Variants in GALNS observed in about 807,000 individuals in gnomAD.
GALNS encodes the protein N-acetylgalactosamine-6-sulfatase.
GALNS carries 65 observed loss-of-function variants against 65.9 expected under a neutral mutation model. The ratio of observed to expected loss-of-function variants is 0.99; its 90% CI spans 0.81 to 1.21. The LOEUF (loss-of-function observed/expected upper bound fraction) is 1.21, where lower values mean the gene tolerates loss of function less well. Ranked by LOEUF, GALNS falls within the 50% of genes most tolerant of loss-of-function variation. The pLI is 0.00. For synonymous variants in GALNS, 346 were observed against 288.9 expected (o/e 1.20, Z -2.00); for missense variants, 776 against 700.7 (o/e 1.11, Z -1.21).
chr16:88,818,185 G>A (rs1909839851), intron 12 of GALNS, 61 bp from the exon 13 acceptor site: 3 of 1,313,550 alleles, frequency 2.3e-6, no homozygotes, highest in Non-Finnish European at 3.2e-6. Flanking sequence ...GAGAGGGGCT[G>A]GCCTGGACAG....
intron 11 of GALNS, among the ~76,000 whole-genome samples, chr16:88,823,044 C>A (rs1019458502): frequency 6.6e-6 from 1 of 152,158 alleles, no homozygotes; most frequent in African/African-American, 2.4e-5. Flanking sequence ...CTCTTCTTTG[C>A]GAGGCAGGTG....
chr16:88,855,513 AAAGC>A (rs1460468444), intron 1 of GALNS: 162 of 702,600 alleles, frequency 2.3e-4, no homozygotes, highest in Non-Finnish European at 2.7e-4. Context: ...CGTGCTCTGG[AAAGC>A]AGTCACTGCA....
intron 9 of GALNS, 71 bp from the exon 10 acceptor site, chr16:88,826,909 G>T: frequency 6.5e-7 from 1 of 1,535,200 alleles, no homozygotes. Context: ...CCAATCCCTG[G>T]GGGGGCGTGA....
chr16:88,850,559 C>G (rs1248571509), intron 1 of GALNS, among the ~76,000 whole-genome samples: 2 of 152,208 alleles, frequency 1.3e-5, no homozygotes, highest in Non-Finnish European at 2.9e-5. Flanking sequence ...TCAGAAGATA[C>G]CGCAAGGGAG....
In GALNS at chr16:88,837,548, G is replaced by A. The variant is rs563409884; in HGVS notation, c.566+74C>T. 415 of 1,488,006 alleles carry A rather than the reference G, an allele frequency of 2.8e-4. 1 individual carries two copies. In the African/African-American group the frequency reaches 5.1e-3, roughly 18 times the overall value. The allele number at this position is 1,488,006 out of a possible 1,614,324, so 92.2% of individuals were successfully genotyped here. The stretch of plus-strand genomic sequence containing the variant: ...TGAGTGGCGACTTGAGCCCACCAGT[G>A]CTAGAGGCGGGGGGCAGGCACGCCG... On this transcript the variant is annotated intron_variant, in intron 5 of 13. Transcript: ENST00000268695.
At chr16:88,841,697 G>A (rs536136156) in intron 3 of GALNS, among the ~76,000 whole-genome samples, 200 bp downstream of exon 3, 14 of 152,234 alleles carry the variant, frequency 9.2e-5, no homozygotes, top group Admixed American at 3.9e-4. Flanking sequence ...GGCACCCTCC[G>A]CTCAGTCCCC....
At chr16:88,837,859 G>A in intron 4 of GALNS, 94 bp from the exon 5 acceptor site, 3 of 1,357,908 alleles carry the variant, frequency 2.2e-6, no homozygotes, top group Non-Finnish European at 3.1e-6. Flanking sequence ...AAAATTCTTG[G>A]TAAGACGAGC....
chr16:88,837,399 G>C (rs570904579), intron 5 of GALNS, among the ~76,000 whole-genome samples: 1 of 152,288 alleles, frequency 6.6e-6, no homozygotes, highest in South Asian at 2.1e-4. Context: ...AGGGATCTAC[G>C]ACCCTGAAAA....
intron 12 of GALNS, among the ~76,000 whole-genome samples, chr16:88,822,075 G>C (rs1910284228): frequency 6.6e-6 from 1 of 152,188 alleles, no homozygotes; most frequent in Non-Finnish European, 1.5e-5. Context: ...CAGCAGGTGA[G>C]TCTGGTACTG....
intron 7 of GALNS, 150 bp downstream of exon 7, chr16:88,835,575 T>G: frequency 7.5e-7 from 1 of 1,336,890 alleles, no homozygotes; most frequent in Non-Finnish European, 1.1e-6. Context: ...CCTCTGCTGA[T>G]CCCAGGCCAG....
intron 9 of GALNS, among the ~76,000 whole-genome samples, chr16:88,830,644 C>T (rs1911405293): frequency 6.6e-6 from 1 of 152,220 alleles, no homozygotes; most frequent in Non-Finnish European, 1.5e-5. Context: ...GTGCCTGTTA[C>T]AGAAGACCAC....
rs1912293387 is a variant in GALNS at position 88,837,758 on chromosome 16, C to G, written c.430G>C (p.Gly144Arg). 1 of 1,613,954 alleles carries G rather than the reference C, an allele frequency of 6.2e-7. No individual in the cohort carries two copies. Among genetic ancestry groups the G allele is most frequent in the African/African-American group, 1.3e-5 (1 of 75,034 alleles). Residue 144 changes from glycine to arginine, a missense_variant, in exon 5 of 14, where the codon GGT becomes CGT. Physicochemically the swap from Gly to Arg is moderately radical, Grantham distance 125. Coordinates refer to ENST00000268695, the MANE Select transcript of GALNS (RefSeq NM_000512.5). ...AGGGGGTGGAACTGGGGCCTGTGACCCAGATGCCTGGAAACAGGAACCCAG... is the reference window on the plus strand; with the variant it reads ...AGGGGGTGGAACTGGGGCCTGTGACGCAGATGCCTGGAAACAGGAACCCAG... ...VSKIVGKWHL[G>R]HRPQFHPLKH... is the part of the protein sequence containing the mutation.
At chr16:88,843,003 A>G in intron 1 of GALNS, 174 bp from the exon 2 acceptor site, 2 of 1,508,720 alleles carry the variant, frequency 1.3e-6, no homozygotes, top group Non-Finnish European at 1.8e-6. Flanking sequence ...TGCGTGCACG[A>G]TGGGGCCGCT....
Position 88,816,667 on chromosome 16 carries a change from T to C in GALNS, c.1482+1340A>G, listed in dbSNP as rs1243608683. 4.1e-6 allele frequency: 4 copies of C among 985,248 alleles called. No individual in the cohort carries two copies. In the Admixed American group the frequency reaches 2.5e-4, roughly 61 times the overall value. The allele number at this position is 985,248 out of a possible 1,614,324, so 61.0% of individuals were successfully genotyped here. A position where few individuals can be genotyped will look rare whatever the true frequency, so the allele number is the denominator to read the frequency against. On this transcript the variant is annotated intron_variant, in intron 13 of 13. Transcript: ENST00000268695. ...GTGCTCCCGATGGCCGGTGCTCTCC[T>C]GTTACATCCGCCGGCCCACGCTGTG...
chr16:88,817,982 G>T, intron 13 of GALNS, 25 bp downstream of exon 13: 1 of 1,546,042 alleles, frequency 6.5e-7, no homozygotes, highest in African/African-American at 1.4e-5. Context: ...GCAAAGAGAC[G>T]GCCGCCCACA....
At chr16:88,830,608 C>T (rs535924306) in intron 9 of GALNS, among the ~76,000 whole-genome samples, 3 of 152,324 alleles carry the variant, frequency 2.0e-5, no homozygotes, top group South Asian at 2.1e-4. Context: ...CTCAGCCCCG[C>T]GTGTTGATGG....
At chr16:88,846,721 T>C (rs1967263394) in intron 1 of GALNS, among the ~76,000 whole-genome samples, 1 of 152,058 alleles carries the variant, frequency 6.6e-6, no homozygotes, top group South Asian at 2.1e-4. Context: ...TTTTGTATTT[T>C]TAGTAGAGAC....
intron 4 of GALNS, chr16:88,838,751 C>T (rs997241039): frequency 6.6e-6 from 1 of 152,282 alleles, no homozygotes; most frequent in African/African-American, 2.4e-5. Context: ...GGCTTCTAGG[C>T]ACGGCCGTGG....
chr16:88,834,295 C>T (rs1911833869), intron 8 of GALNS, among the ~76,000 whole-genome samples: 1 of 151,600 alleles, frequency 6.6e-6, no homozygotes, highest in African/African-American at 2.4e-5. Context: ...CGCCCCCCGA[C>T]ATGGTCTGGG....
Sources: allele counts gnomAD v4.1 joint callset (sites outside exome capture counted in the v4.1 genomes callset), GRCh38; gene constraint gnomAD v4.1.1; transcripts MANE v1.5; gene names NCBI Gene and HGNC (gene_info 2026-07-23, HGNC 2026-07-21).